The following MBNL2 variants were observed in gnomAD, a reference collection of about 807,000 sequenced individuals.
MBNL2 encodes muscleblind like splicing regulator 2.
Under a neutral mutation model 41.9 loss-of-function variants are expected in MBNL2, and 17 were observed. The observed-to-expected ratio is 0.41, with a 90% CI of 0.28 to 0.61. The LOEUF (loss-of-function observed/expected upper bound fraction) is 0.61. Ranked by LOEUF, MBNL2 falls within the 20% of genes least tolerant of loss-of-function variation. The probability of loss-of-function intolerance (pLI) is 0.35; values close to 1 mark genes in which losing one functional copy is unlikely to be tolerated. For missense variants in MBNL2, 336 were observed against 505.6 expected (o/e 0.66, Z 3.22); for synonymous variants, 195 against 182.9 (o/e 1.07, Z -0.53).
chr13:97,213,578 T>C, the MBNL2 span, among the ~76,000 whole-genome samples: 4 of 152,124 alleles, frequency 2.6e-5, no homozygotes, highest in African/African-American at 9.7e-5. Context: ...TTCAGAAACA[T>C]TTGAGATGAG....
rs113358819 is a variant in MBNL2, at chr13:97,324,130, A to T, written c.175-10146A>T. On this transcript the variant is annotated intron_variant, in intron 2 of 8. Transcript: ENST00000679496. ...CTCTCAACTAGATAATCTGATAAAT[A>T]TCTTAGCTTAAATGTTAAATGTCCC... Among the ~76,000 whole-genome samples, 883 of 152,224 alleles carry T rather than the reference A, an allele frequency of 5.8e-3. 14 individuals carry two copies. The highest frequency in any genetic ancestry group is 0.02 in the African/African-American group (845 of 41,522).
intron 2 of MBNL2, among the ~76,000 whole-genome samples, chr13:97,302,545 C>T (rs2057730275): frequency 6.6e-6 from 1 of 152,196 alleles, no homozygotes. Context: ...TCCCTTAATC[C>T]TCACAACTAA....
the MBNL2 span, among the ~76,000 whole-genome samples, chr13:97,192,510 G>C: frequency 6.6e-6 from 1 of 152,232 alleles, no homozygotes; most frequent in Non-Finnish European, 1.5e-5. Flanking sequence ...TTGGAAAGCA[G>C]AGGAAATTGA....
intron 8 of MBNL2, among the ~76,000 whole-genome samples, chr13:97,372,638 A>C (rs1244823146): frequency 1.3e-5 from 2 of 152,222 alleles, no homozygotes; most frequent in Non-Finnish European, 2.9e-5. Context: ...CATCAATTTC[A>C]ATGATATCTT....
At chr13:97,317,862 A>C (rs2059188096) in intron 2 of MBNL2, among the ~76,000 whole-genome samples, 1 of 152,262 alleles carries the variant, frequency 6.6e-6, no homozygotes, top group African/African-American at 2.4e-5. Context: ...CTTAAATATT[A>C]CTTATTACCA....
intron 1 of MBNL2, among the ~76,000 whole-genome samples, chr13:97,252,488 T>A (rs2046763813): frequency 6.6e-6 from 1 of 152,226 alleles, no homozygotes; most frequent in South Asian, 2.1e-4. Flanking sequence ...ACTAATATTT[T>A]TAGATGACAA....
chr13:97,290,256 T>A (rs60255557), intron 2 of MBNL2, among the ~76,000 whole-genome samples: 2,910 of 152,264 alleles, frequency 0.019, 110 homozygotes, highest in African/African-American at 0.066. Context: ...TTATGAAATT[T>A]GGAATGCCCC....
intron 1 of MBNL2, among the ~76,000 whole-genome samples, chr13:97,228,964 G>A (rs1430997053): frequency 6.6e-6 from 1 of 151,298 alleles, no homozygotes; most frequent in Non-Finnish European, 1.5e-5. Context: ...CAAACCTCTG[G>A]GAATCCACAC....
At chr13:97,176,938 T>TTCTC in the MBNL2 span, among the ~76,000 whole-genome samples, 11 of 151,950 alleles carry the variant, frequency 7.2e-5, no homozygotes, top group African/African-American at 2.7e-4. Flanking sequence ...ATAGAGAAAA[T>TTCTC]TCTCTCTCTT....
chr13:97,325,287 T>A lies in MBNL2; in HGVS notation c.175-8989T>A, dbSNP rs138458281. Among the ~76,000 whole-genome samples the A allele has an allele frequency of 2.5e-4, 38 of 152,312 alleles. No homozygotes were observed. In the East Asian group the frequency reaches 6.2e-3, roughly 25 times the overall value. On this transcript the variant is annotated intron_variant, in intron 2 of 8. Transcript: ENST00000679496. Reference sequence around the variant, plus strand: ...CACTGATTTCTCTTAACTGGCACATTTTCAGTTAATGAATAAAATTAAGAG... The same window carrying A: ...CACTGATTTCTCTTAACTGGCACATATTCAGTTAATGAATAAAATTAAGAG...
At chr13:97,267,776 A>C (rs1337987862) in intron 1 of MBNL2, among the ~76,000 whole-genome samples, 3 of 152,146 alleles carry the variant, frequency 2.0e-5, no homozygotes, top group Non-Finnish European at 4.4e-5. Context: ...GTTTTTATTG[A>C]TCAGAAACAG....
chr13:97,275,187 TAAAGA>T (rs2051940289), intron 1 of MBNL2, among the ~76,000 whole-genome samples: 1 of 152,098 alleles, frequency 6.6e-6, no homozygotes, highest in Non-Finnish European at 1.5e-5. Flanking sequence ...AGGAAGAACA[TAAAGA>T]AGAAAGAGCC....
rs994884484 is a variant in MBNL2 at position 97,227,618 on chromosome 13, G to T, written c.-605+5087G>T. On this transcript the variant is annotated intron_variant, in intron 1 of 8. Transcript: ENST00000679496. ...GATGTGCTGGGTAAAGCTGCTGGAG[G>T]AGATGCATTATAAACTGGATTTTTA... is the stretch of plus-strand genomic sequence containing the variant. 6.6e-5 allele frequency among the ~76,000 whole-genome samples: 10 copies of T among 152,284 alleles called. No homozygotes were observed. In the South Asian group the frequency reaches 8.3e-4, roughly 13 times the overall value.
At chr13:97,308,236 A>G (rs768406810) in intron 2 of MBNL2, among the ~76,000 whole-genome samples, 3 of 152,208 alleles carry the variant, frequency 2.0e-5, no homozygotes, top group Non-Finnish European at 4.4e-5. Flanking sequence ...CTTTACCTTT[A>G]TATCACCACA....
chr13:97,157,863 G>C, the MBNL2 span, among the ~76,000 whole-genome samples: 1 of 151,440 alleles, frequency 6.6e-6, no homozygotes, highest in Non-Finnish European at 1.5e-5. Flanking sequence ...TCTCTTTTTT[G>C]GTTGTGTCTC....
intron 8 of MBNL2, among the ~76,000 whole-genome samples, chr13:97,384,548 T>C (rs2065771133): frequency 6.6e-6 from 1 of 152,102 alleles, no homozygotes; most frequent in East Asian, 1.9e-4. Context: ...GAATATTAAA[T>C]GGTGCACAGA....
At position 97,276,372 on chromosome 13, in the gene MBNL2, A is replaced by G. The variant is rs1460868995; in HGVS notation, c.137A>G (p.Glu46Gly). 1 of 1,614,136 alleles carries G rather than the reference A, an allele frequency of 6.2e-7. No individual in the cohort carries two copies. Among genetic ancestry groups the G allele is most frequent in the Non-Finnish European group, 8.5e-7 (1 of 1,179,976 alleles). Residue 46 changes from glutamate (E) to glycine (G), a missense_variant, in exon 2 of 9, where the codon GAA becomes GGA. Transcript: ENST00000679496. ...CATCCCCCCAAAAGTTGTCAGGTTG[A>G]AAATGGAAGAGTAATTGCCTGCTTT... ...FAHPPKSCQVENGRVIACFDS... is the reference protein window; with the variant it reads ...FAHPPKSCQVGNGRVIACFDS...
At chr13:97,243,486 G>A (rs979224221) in intron 1 of MBNL2, among the ~76,000 whole-genome samples, 10 of 152,134 alleles carry the variant, frequency 6.6e-5, no homozygotes, top group Non-Finnish European at 4.4e-5. Context: ...GGCTGGGGTA[G>A]TAGGGGTAGG....
At chr13:97,159,403 G>A in the MBNL2 span, among the ~76,000 whole-genome samples, 2 of 151,708 alleles carry the variant, frequency 1.3e-5, no homozygotes. Context: ...TACATTTAAA[G>A]TTAATAGTGT....
Sources: gnomAD v4.1 joint callset for allele counts (sites outside exome capture counted in the v4.1 genomes callset) on GRCh38, gnomAD v4.1.1 for gene constraint, MANE v1.5 for transcripts, NCBI Gene and HGNC (gene_info 2026-07-23, HGNC 2026-07-21) for gene names.